PRPF4: variants seen among roughly 807,000 people sequenced by gnomAD.
PRPF4 encodes pre-mRNA splicing tri-snRNP complex factor PRPF4.
Under a neutral mutation model 72.2 loss-of-function variants are expected in PRPF4, and 14 were observed. The observed-to-expected ratio is 0.19, with a 90% CI of 0.13 to 0.30. The LOEUF (loss-of-function observed/expected upper bound fraction) is 0.30. Ranked by LOEUF, PRPF4 falls within the 10% of genes least tolerant of loss-of-function variation. PRPF4 has a pLI of 1.00. For synonymous variants in PRPF4, 225 were observed against 232.2 expected (o/e 0.97, Z 0.28); for missense variants, 478 against 653.9 (o/e 0.73, Z 2.93).
In PRPF4 at chr9:113,280,981, C is replaced by T. The variant is rs140069219; in HGVS notation, c.393-1665C>T. Among the ~76,000 whole-genome samples, 1,010 of 152,254 alleles carry T rather than the reference C, an allele frequency of 6.6e-3. 82 individuals are homozygous for T. In the East Asian group the frequency reaches 0.17, roughly 26 times the overall value. On this transcript the variant is annotated intron_variant, in intron 3 of 13. Transcript: ENST00000374198. Reference sequence around the variant, plus strand: ...TCAGCCTCCCAAGTAGCTGGGACTACAGGCATGTGCCACCATGCCTGGCTA... The same window carrying T: ...TCAGCCTCCCAAGTAGCTGGGACTATAGGCATGTGCCACCATGCCTGGCTA...
At chr9:113,283,362 C>T (rs779373202) in intron 5 of PRPF4, 27 bp from the exon 6 acceptor site, 2 of 1,613,884 alleles carry the variant, frequency 1.2e-6, no homozygotes, top group East Asian at 2.2e-5. Context: ...CCCTGTTGCT[C>T]CTGGTGATGG....
Position 113,283,449 on chromosome 9 carries a change from C to T in PRPF4, c.621C>T (p.Thr207=), listed in dbSNP as rs1239782843. The T allele has an allele frequency of 6.2e-6, 10 of 1,614,108 alleles. No homozygotes were observed. The highest frequency in any genetic ancestry group is 8.5e-6 in the Non-Finnish European group (10 of 1,180,004). Residue 207 remains threonine (T), a synonymous_variant, in exon 6 of 14, where the codon ACC becomes ACT. Coordinates refer to ENST00000374198, the MANE Select transcript of PRPF4 (RefSeq NM_001244926.2). ...LHKEIPETTR[T]SQMQELHKSL... is the part of the protein sequence containing the mutation. ...AGGAGATTCCTGAGACAACAAGGAC[C>T]TCCCAGATGCAAGAGCTGCACAAGT...
chr9:113,285,580 G>C (rs566428044), intron 7 of PRPF4, among the ~76,000 whole-genome samples: 5 of 151,194 alleles, frequency 3.3e-5, no homozygotes, highest in South Asian at 4.2e-4. Flanking sequence ...GGGTTTCACC[G>C]TGTTAGCCAG....
chr9:113,290,103 C>T (rs1054540630), intron 10 of PRPF4, among the ~76,000 whole-genome samples: 5 of 152,068 alleles, frequency 3.3e-5, no homozygotes, highest in Non-Finnish European at 5.9e-5. Context: ...ACCTGTAGTC[C>T]CAGCTACTCA....
intron 2 of PRPF4, among the ~76,000 whole-genome samples, chr9:113,278,001 T>C (rs1215653334): frequency 6.6e-6 from 1 of 152,214 alleles, no homozygotes; most frequent in Non-Finnish European, 1.5e-5. Flanking sequence ...GTTATTTTCT[T>C]TTAAAAGATC....
At chr9:113,284,670 A>G (rs1304929669) in intron 7 of PRPF4, among the ~76,000 whole-genome samples, 1 of 152,176 alleles carries the variant, frequency 6.6e-6, no homozygotes, top group Non-Finnish European at 1.5e-5. Flanking sequence ...TAGTGAGTTT[A>G]TAGACCAACT....
chr9:113,288,368 G>A (rs902319413), intron 10 of PRPF4, 104 bp downstream of exon 10: 2 of 1,016,286 alleles, frequency 2.0e-6, no homozygotes, highest in African/African-American at 3.2e-5. Flanking sequence ...TCTTCAGGTA[G>A]GATTTTCTTG....
chr9:113,290,112 C>G lies in PRPF4; in HGVS notation c.1023-354C>G, dbSNP rs370986186. Among the ~76,000 whole-genome samples, 101 of 152,132 alleles carry G rather than the reference C, an allele frequency of 6.6e-4. 2 individuals are homozygous for G. In the East Asian group the frequency reaches 0.016, roughly 24 times the overall value. Reference sequence around the variant, plus strand: ...GCGCACACCTGTAGTCCCAGCTACTCAGAAGGCTGAGGCAGGAGAATGGCT... The same window carrying G: ...GCGCACACCTGTAGTCCCAGCTACTGAGAAGGCTGAGGCAGGAGAATGGCT... On this transcript the variant is annotated intron_variant, in intron 10 of 13. Transcript: ENST00000374198.
At chr9:113,276,854 C>T (rs1464618620) in intron 2 of PRPF4, 129 bp downstream of exon 2, 19 of 1,076,798 alleles carry the variant, frequency 1.8e-5, no homozygotes, top group Admixed American at 7.4e-5. Flanking sequence ...CTCGCTCTGT[C>T]GCCAGGCTGG....
rs1832313750 is a variant in PRPF4, at chr9:113,282,576, A to AAAGTGTAC, written c.393-69_393-62dup. The AAAGTGTAC allele has an allele frequency of 4.1e-6, 5 of 1,209,876 alleles. No individual in the cohort carries two copies. The South Asian group carries it at 6.9e-5, about 17-fold the overall frequency. The allele number at this position is 1,209,876 out of a possible 1,614,324, so 74.9% of individuals were successfully genotyped here. A position where few individuals can be genotyped will look rare whatever the true frequency, so the allele number is the denominator to read the frequency against. Reference sequence around the variant, plus strand: ...TAATAACAGTGTTTAAAACTGTGTTAAAGTGTACTTTAAAAACAGTATTAT... The same window carrying AAAGTGTAC: ...TAATAACAGTGTTTAAAACTGTGTTAAAGTGTACAAGTGTACTTTAAAAACAGTATTAT... On this transcript the variant is annotated intron_variant, in intron 3 of 13. Coordinates refer to ENST00000374198, the MANE Select transcript of PRPF4 (RefSeq NM_001244926.2).
At chr9:113,282,830 T>TG (rs1232055010) in intron 4 of PRPF4, 97 bp downstream of exon 4, 3 of 1,141,484 alleles carry the variant, frequency 2.6e-6, no homozygotes, top group Non-Finnish European at 3.8e-6. Context: ...GCTGAGATGT[T>TG]GGGGGAAATG....
chr9:113,286,845 T>C lies in PRPF4; in HGVS notation c.932+17T>C. On this transcript the variant is annotated intron_variant, in intron 9 of 13. Transcript: ENST00000374198. The stretch of plus-strand genomic sequence containing the variant: ...TCTCGACAGGTGAATATCACTGTTC[T>C]GTGGCCCATACTGCCATCACTAAAG... The C allele has an allele frequency of 6.2e-7, 1 of 1,614,080 alleles. No homozygotes were observed. The highest frequency in any genetic ancestry group is 8.5e-7 in the Non-Finnish European group (1 of 1,179,922).
intron 1 of PRPF4, 139 bp downstream of exon 1, chr9:113,275,909 A>G: frequency 8.7e-7 from 1 of 1,142,950 alleles, no homozygotes; most frequent in South Asian, 1.6e-5. Flanking sequence ...GCGGTGTCCT[A>G]CACAGCGGAC....
chr9:113,278,849 C>A, intron 2 of PRPF4, 96 bp from the exon 3 acceptor site: 3 of 1,229,562 alleles, frequency 2.4e-6, no homozygotes, highest in South Asian at 1.4e-5. Context: ...TAGACAGTTA[C>A]TTTTCCCTCA....
rs1832108619 is a variant in PRPF4, at chr9:113,276,680, G to A, written c.160G>A (p.Gly54Arg). 4 of 1,613,980 alleles carry A rather than the reference G, an allele frequency of 2.5e-6. No homozygotes were observed. The highest frequency in any genetic ancestry group is 1.1e-5 in the South Asian group (1 of 91,064). ...AGAGTCTGGGATTTTGGGGAAAGAC[G>A]GACTTAAAGCAGGGATCGAAGCTGG... is the stretch of plus-strand genomic sequence containing the variant. ...KGESGILGKD[G>R]LKAGIEAGNI... Residue 54 changes from glycine (G) to arginine (R), a missense_variant, in exon 2 of 14, where the codon GGA becomes AGA. Gly to Arg is a moderately radical substitution (Grantham distance 125, BLOSUM62 -2). Coordinates refer to ENST00000374198, the MANE Select transcript of PRPF4 (RefSeq NM_001244926.2).
At chr9:113,286,407 G>A in intron 8 of PRPF4, 117 bp downstream of exon 8, 1 of 1,090,196 alleles carries the variant, frequency 9.2e-7, no homozygotes, top group Non-Finnish European at 1.4e-6. Context: ...GATTTGATTT[G>A]ACTTGGTTTT....
At chr9:113,277,202 A>G (rs977342020) in intron 2 of PRPF4, among the ~76,000 whole-genome samples, 2 of 152,092 alleles carry the variant, frequency 1.3e-5, no homozygotes, top group Non-Finnish European at 2.9e-5. Context: ...ACAATCTGTT[A>G]TATAGTTTTT....
At position 113,276,503 on chromosome 9, in the gene PRPF4, T is replaced by C. The variant is rs1215663014; in HGVS notation, c.28-45T>C. On this transcript the variant is annotated intron_variant, in intron 1 of 13. Coordinates refer to ENST00000374198, the MANE Select transcript of PRPF4 (RefSeq NM_001244926.2). ...CATCCTCTGGTGAAGTCCGGTAAAT[T>C]GCCAAGATTAAACCTTAGTTTAATG... The C allele has an allele frequency of 3.1e-6, 5 of 1,605,736 alleles. No homozygotes were observed. In the Admixed American group the frequency reaches 8.3e-5, roughly 27 times the overall value.
intron 2 of PRPF4, 67 bp downstream of exon 2, chr9:113,276,792 C>T: frequency 6.8e-7 from 1 of 1,481,294 alleles, no homozygotes; most frequent in East Asian, 2.3e-5. Context: ...AACTTAAATA[C>T]CACAGTTTTA....
Sources: allele counts gnomAD v4.1 joint callset (sites outside exome capture counted in the v4.1 genomes callset), GRCh38; gene constraint gnomAD v4.1.1; transcripts MANE v1.5; gene names NCBI Gene and HGNC (gene_info 2026-07-23, HGNC 2026-07-21).